The following SRGAP2C variants were observed in gnomAD, a reference collection of about 807,000 sequenced individuals.
SRGAP2C encodes SLIT-ROBO Rho GTPase activating protein 2C, also known as SLIT-ROBO Rho GTPase-activating protein 2C.
In SRGAP2C, 15 loss-of-function variants were observed where a neutral mutation model predicts 25.1. The ratio of observed to expected loss-of-function variants is 0.60; its 90% CI spans 0.40 to 0.92. The LOEUF is 0.92. Ranked by LOEUF, SRGAP2C falls within the 40% of genes least tolerant of loss-of-function variation. SRGAP2C has a pLI of 0.00. For missense variants in SRGAP2C, 144 were observed against 264.4 expected, an observed-to-expected ratio of 0.54 and a Z score of 3.16; for synonymous variants, 44 against 96.6, an observed-to-expected ratio of 0.46 and a Z score of 3.19.
At chr1:121,198,378 G>C (rs1654893981) in intron 2 of SRGAP2C, among the ~76,000 whole-genome samples, 1 of 135,108 alleles carries the variant, frequency 7.4e-6, no homozygotes, top group Non-Finnish European at 1.6e-5. Context: ...TGAAAGTTGG[G>C]ACCTTATCTT....
At chr1:121,285,404 T>TCACACACACACACA (rs1343653361) in intron 3 of SRGAP2C, among the ~76,000 whole-genome samples, 3 of 124,526 alleles carry the variant, frequency 2.4e-5, no homozygotes, top group East Asian at 5.4e-4. Context: ...TCTCTCTCTC[T>TCACACACACACACA]CACACACACA....
At chr1:121,191,850 GCTGAGCAGTCACATTTTCT>G (rs1654688813) in intron 2 of SRGAP2C, among the ~76,000 whole-genome samples, 1 of 144,734 alleles carries the variant, frequency 6.9e-6, no homozygotes, top group Admixed American at 6.9e-5. Context: ...GGCACTGTAT[GCTGAGCAGTCACATTTTCT>G]TTCTCGAGAA....
intron 2 of SRGAP2C, among the ~76,000 whole-genome samples, chr1:121,229,594 G>GTA (rs1570721872): frequency 6.6e-6 from 1 of 151,836 alleles, no homozygotes; most frequent in African/African-American, 2.4e-5. Context: ...TATAGGAATA[G>GTA]TATAGATTTG....
intron 3 of SRGAP2C, among the ~76,000 whole-genome samples, chr1:121,285,426 T>G (rs1324344909): frequency 1.3e-5 from 1 of 77,764 alleles, no homozygotes; most frequent in African/African-American, 4.5e-5. Flanking sequence ...ACACACACAC[T>G]CACACTCACA....
At chr1:121,261,187 C>T (rs1277490682) in intron 2 of SRGAP2C, among the ~76,000 whole-genome samples, 3 of 49,000 alleles carry the variant, frequency 6.1e-5, no homozygotes, top group African/African-American at 1.5e-4. Context: ...AAGTGATGCT[C>T]CTGCCTCAGC....
chr1:121,217,166 G>A (rs1250655164), intron 2 of SRGAP2C, among the ~76,000 whole-genome samples: 4 of 151,878 alleles, frequency 2.6e-5, no homozygotes, highest in Non-Finnish European at 4.4e-5. Flanking sequence ...AGTCGTCTAG[G>A]CCTACCCCTA....
intron 2 of SRGAP2C, among the ~76,000 whole-genome samples, chr1:121,237,758 G>A (rs1655995982): frequency 6.8e-6 from 1 of 147,328 alleles, no homozygotes. Flanking sequence ...AACAATTTGG[G>A]AGTCTGTATT....
At chr1:121,235,014 TTTTC>T (rs1222302461) in intron 2 of SRGAP2C, among the ~76,000 whole-genome samples, 17 of 149,846 alleles carry the variant, frequency 1.1e-4, no homozygotes, top group South Asian at 2.1e-4. Context: ...TTTCTTTCTC[TTTTC>T]TTTCTTTCTT....
intron 2 of SRGAP2C, among the ~76,000 whole-genome samples, chr1:121,280,812 AC>A (rs1323430458): frequency 1.5e-5 from 2 of 136,876 alleles, no homozygotes; most frequent in Non-Finnish European, 3.1e-5. Context: ...CCAACTGTAA[AC>A]CAGATGTGTA....
In SRGAP2C at chr1:121,198,946, T is replaced by G. The variant is rs587611935; in HGVS notation, c.67+11433T>G. On this transcript the variant is annotated intron_variant, in intron 2 of 9. Transcript: ENST00000367123. ...TGGCTGCCATGATTTTAGAGATAACTCACCTAAGGTCTCAAAATCCCTAGT... is the reference window on the plus strand; with the variant it reads ...TGGCTGCCATGATTTTAGAGATAACGCACCTAAGGTCTCAAAATCCCTAGT... Among the ~76,000 whole-genome samples the G allele has an allele frequency of 9.2e-5, 14 of 152,296 alleles. No individual in the cohort carries two copies. In the East Asian group the frequency reaches 2.7e-3, roughly 29 times the overall value.
intron 2 of SRGAP2C, among the ~76,000 whole-genome samples, chr1:121,203,944 G>A (rs1393103761): frequency 1.2e-5 from 1 of 80,038 alleles, no homozygotes; most frequent in Non-Finnish European, 2.4e-5. Flanking sequence ...CGGACATATG[G>A]GTTGTTTCCT....
chr1:121,222,751 C>T (rs587634398), intron 2 of SRGAP2C, among the ~76,000 whole-genome samples: 39 of 152,268 alleles, frequency 2.6e-4, no homozygotes, highest in East Asian at 9.6e-4. Flanking sequence ...TACCATCAGA[C>T]GGGAGTGGCT....
intron 3 of SRGAP2C, among the ~76,000 whole-genome samples, chr1:121,308,691 C>A (rs1553339749): frequency 2.0e-5 from 3 of 151,596 alleles, no homozygotes; most frequent in East Asian, 3.9e-4. Context: ...GTAATCCCAG[C>A]ACTTTGGGAG....
At chr1:121,213,946 TA>T (rs1553324302) in intron 2 of SRGAP2C, among the ~76,000 whole-genome samples, 1 of 144,356 alleles carries the variant, frequency 6.9e-6, no homozygotes, top group Non-Finnish European at 1.5e-5. Context: ...AAATGGGTCT[TA>T]TTTCATATCT....
chr1:121,331,978 C>T (rs1234562766), intron 4 of SRGAP2C, among the ~76,000 whole-genome samples: 4 of 146,180 alleles, frequency 2.7e-5, no homozygotes, highest in African/African-American at 1.0e-4. Context: ...TTATAGCCTA[C>T]ATTATATAAC....
intron 3 of SRGAP2C, among the ~76,000 whole-genome samples, chr1:121,309,491 T>C (rs1300439686): frequency 6.8e-6 from 1 of 146,936 alleles, no homozygotes; most frequent in African/African-American, 2.5e-5. Context: ...GTTACATATG[T>C]ATACATGTGC....
chr1:121,377,263 C>CTTTTTTTTT (rs57457251), intron 7 of SRGAP2C, among the ~76,000 whole-genome samples: 4 of 50,428 alleles, frequency 7.9e-5, no homozygotes, highest in Non-Finnish European at 1.0e-4. Context: ...TCTCATGTTT[C>CTTTTTTTTT]TTTTTTTTTT....
chr1:121,188,265 C>G (rs1477077583), intron 2 of SRGAP2C, among the ~76,000 whole-genome samples: 1 of 152,186 alleles, frequency 6.6e-6, no homozygotes, highest in Non-Finnish European at 1.5e-5. Context: ...GCTTTTAAAG[C>G]CCCATTTCCC....
intron 3 of SRGAP2C, among the ~76,000 whole-genome samples, chr1:121,306,226 G>C (rs1657834011): frequency 7.1e-6 from 1 of 140,858 alleles, no homozygotes; most frequent in Non-Finnish European, 1.5e-5. Flanking sequence ...GTCTGCCCTT[G>C]TCGGGAGTGA....
Sources: gnomAD v4.1 joint callset for allele counts (sites outside exome capture counted in the v4.1 genomes callset) on GRCh38, gnomAD v4.1.1 for gene constraint, MANE v1.5 for transcripts, NCBI Gene and HGNC (gene_info 2026-07-23, HGNC 2026-07-21) for gene names.